Variants in ZNF423 observed in about 807,000 individuals in gnomAD.
ZNF423 encodes the protein zinc finger protein 423, also known as Ebf-associated zinc finger protein.
Under a neutral mutation model 95.8 loss-of-function variants are expected in ZNF423, and 12 were observed. The observed-to-expected ratio is 0.13, with a 90% confidence interval of 0.08 to 0.20. The LOEUF is 0.20. Ranked by LOEUF, ZNF423 falls within the 10% of genes least tolerant of loss-of-function variation. The pLI is 1.00. For synonymous variants in ZNF423, 749 were observed against 711.9 expected, an observed-to-expected ratio of 1.05 and a Z score of -0.83; for missense variants, 1,316 against 1,737.1, an observed-to-expected ratio of 0.76 and a Z score of 4.31.
intron 5 of ZNF423, among the ~76,000 whole-genome samples, chr16:49,616,938 G>A (rs893205197): frequency 1.3e-5 from 2 of 152,162 alleles, no homozygotes; most frequent in Non-Finnish European, 2.9e-5. Flanking sequence ...CATGTGCCAG[G>A]CAGTGTGCTG....
intron 4 of ZNF423, among the ~76,000 whole-genome samples, chr16:49,631,989 T>C (rs867136857): frequency 2.6e-5 from 4 of 152,094 alleles, no homozygotes; most frequent in African/African-American, 9.7e-5. Flanking sequence ...CTGGTCTAGG[T>C]GACAGAAAGC....
chr16:49,525,314 C>T, intron 6 of ZNF423, 49 bp downstream of exon 6: 5 of 1,605,408 alleles, frequency 3.1e-6, no homozygotes, highest in East Asian at 2.2e-5. Flanking sequence ...CAGGGCAGGG[C>T]TCCTGTGTTC....
At chr16:49,597,665 C>T (rs1237715604) in intron 5 of ZNF423, among the ~76,000 whole-genome samples, 4 of 152,000 alleles carry the variant, frequency 2.6e-5, no homozygotes, top group Admixed American at 6.5e-5. Flanking sequence ...CATGTCGGTG[C>T]CGTTCTCTTA....
At chr16:49,853,198 A>G (rs983740152) in intron 1 of ZNF423, among the ~76,000 whole-genome samples, 2 of 151,526 alleles carry the variant, frequency 1.3e-5, no homozygotes, top group Non-Finnish European at 2.9e-5. Context: ...AAGCACTTTC[A>G]AGCATCTTTA....
At chr16:49,833,088 G>A (rs530857069) in intron 1 of ZNF423, among the ~76,000 whole-genome samples, 4 of 152,304 alleles carry the variant, frequency 2.6e-5, no homozygotes, top group South Asian at 4.1e-4. Flanking sequence ...CCTCCTCCTC[G>A]CCCAGCCTTA....
At chr16:49,662,445 G>GC (rs2030289688) in intron 3 of ZNF423, among the ~76,000 whole-genome samples, 1 of 152,172 alleles carries the variant, frequency 6.6e-6, no homozygotes, top group Non-Finnish European at 1.5e-5. Context: ...CGATATGGCA[G>GC]CCATTTTTTA....
At chr16:49,649,833 G>A (rs902083673) in intron 3 of ZNF423, among the ~76,000 whole-genome samples, 1 of 152,204 alleles carries the variant, frequency 6.6e-6, no homozygotes, top group East Asian at 1.9e-4. Flanking sequence ...TTTCCTCAGA[G>A]GTAAGCCAAG....
rs1971457346 is a variant in ZNF423, at chr16:49,603,998, T to G, written c.3601+22172A>C. On this transcript the variant is annotated intron_variant, in intron 5 of 7. Transcript: ENST00000563137. The surrounding 1 kb of genome is among the most constrained non-coding windows in gnomAD (Gnocchi z 4.1). ...CCCTGATACAGGGAGAAGCTTTTGA[T>G]AGCAGGAACCCATTTGAGACGAAAG... Among the ~76,000 whole-genome samples the G allele has an allele frequency of 1.3e-5, 2 of 152,196 alleles. No homozygotes were observed. The highest frequency in any genetic ancestry group is 4.1e-4 in the South Asian group (2 of 4,824).
chr16:49,858,540 G>A (rs1428509305), upstream of ZNF423, among the ~76,000 whole-genome samples: 2 of 152,166 alleles, frequency 1.3e-5, no homozygotes, highest in African/African-American at 2.4e-5. The surrounding 1 kb of genome is among the most constrained non-coding windows in gnomAD (Gnocchi z 4.3). Flanking sequence ...GACAGCGGCA[G>A]CGGGCGAGCG....
rs1180744089 is a variant in ZNF423 at position 49,498,301 on chromosome 16, G to C, written c.3850-6997C>G. Among the ~76,000 whole-genome samples, 3 of 152,346 alleles carry C rather than the reference G, an allele frequency of 2.0e-5. No individual in the cohort carries two copies. The East Asian group carries it at 5.8e-4, about 29-fold the overall frequency. On this transcript the variant is annotated intron_variant, in intron 7 of 7. Transcript: ENST00000563137. ...CCTGCCACTGGTGATGGCAGTGCTG[G>C]GTCTGCACCCATGCAGTCTGTCTGC... is the stretch of plus-strand genomic sequence containing the variant.
rs1321820555 is a variant in ZNF423, at chr16:49,636,466, T to C, written c.2710A>G (p.Thr904Ala). 5 of 1,613,434 alleles carry C rather than the reference T, an allele frequency of 3.1e-6. No individual in the cohort carries two copies. Residue 904 changes from threonine (T) to alanine (A), a missense_variant, in exon 4 of 8, where the codon ACC becomes GCC. Physicochemically the swap from Thr to Ala is moderately conservative, Grantham distance 58. Transcript: ENST00000563137. The surrounding 1 kb of genome is among the most constrained non-coding windows in gnomAD (Gnocchi z 8.6). ...TGATTCTGCAGCAGCACCTCCATGG[T>C]GTAGGCCGCCCCACAGATGTCACAG... ...YGCDICGAAY[T>A]MEVLLQNHRL...
At chr16:49,845,051 A>AAAC (rs2035230004) in intron 1 of ZNF423, among the ~76,000 whole-genome samples, 1 of 151,276 alleles carries the variant, frequency 6.6e-6, no homozygotes, top group Non-Finnish European at 1.5e-5. Context: ...AAAAAAAAAA[A>AAAC]AAAAAAAAAA....
chr16:49,793,113 A>C (rs1597014130), intron 1 of ZNF423, among the ~76,000 whole-genome samples: 1 of 144,814 alleles, frequency 6.9e-6, no homozygotes. Context: ...ACCCCCCACC[A>C]CCCCCATAAG....
chr16:49,685,100 G>A (rs778761484), intron 3 of ZNF423, among the ~76,000 whole-genome samples: 44 of 152,070 alleles, frequency 2.9e-4, no homozygotes, highest in East Asian at 7.7e-4. Flanking sequence ...GCGGGCATCC[G>A]GCAGCCCAGC....
intron 5 of ZNF423, among the ~76,000 whole-genome samples, chr16:49,584,602 GTGGCAGTGTCAACA>G (rs1439109786): frequency 3.9e-5 from 6 of 152,108 alleles, no homozygotes; most frequent in Non-Finnish European, 7.4e-5. Context: ...CAAGATCAAG[GTGGCAGTGTCAACA>G]GAGCTAGCTT....
chr16:49,853,852 A>G, intron 1 of ZNF423: 1 of 985,256 alleles, frequency 1.0e-6, no homozygotes, highest in Non-Finnish European at 1.2e-6. Context: ...TAACGTAAGG[A>G]GGTTTGGAGA....
At chr16:49,629,092 C>A (rs577784318) in intron 4 of ZNF423, among the ~76,000 whole-genome samples, 1 of 144,522 alleles carries the variant, frequency 6.9e-6, no homozygotes, top group South Asian at 2.1e-4. Flanking sequence ...ACTATGCAGC[C>A]AGATGAACCA....
At chr16:49,701,353 A>G (rs1484713894) in intron 3 of ZNF423, among the ~76,000 whole-genome samples, 1 of 152,100 alleles carries the variant, frequency 6.6e-6, no homozygotes, top group Non-Finnish European at 1.5e-5. Flanking sequence ...CAGCCTTGAT[A>G]TTTCCTACGC....
intron 3 of ZNF423, among the ~76,000 whole-genome samples, chr16:49,690,416 G>A (rs2031734165): frequency 6.6e-6 from 1 of 152,220 alleles, no homozygotes; most frequent in Non-Finnish European, 1.5e-5. Context: ...CTGACTACTT[G>A]GGAGGCTGAG....
Sources: gnomAD v4.1 joint callset for allele counts (sites outside exome capture counted in the v4.1 genomes callset) on GRCh38, gnomAD v4.1.1 for gene constraint, Gnocchi (gnomAD v3.1) non-coding constraint, MANE v1.5 for transcripts, NCBI Gene and HGNC (gene_info 2026-07-23, HGNC 2026-07-21) for gene names.